The following ANO3 variants were observed in gnomAD, a reference collection of about 807,000 sequenced individuals.
ANO3 encodes anoctamin 3.
A neutral mutation model predicts 144.8 loss-of-function variants in ANO3; 99 were observed. That is an observed-to-expected ratio of 0.68 (90% CI 0.58 to 0.81). The LOEUF (loss-of-function observed/expected upper bound fraction) is 0.81. Ranked by LOEUF, ANO3 falls within the 30% of genes least tolerant of loss-of-function variation. The pLI is 0.00. For synonymous variants in ANO3, 414 were observed against 392.6 expected (o/e 1.05, Z -0.64); for missense variants, 905 against 1,202.2 (o/e 0.75, Z 3.66).
chr11:26,465,502 G>A (rs1373730135), intron 4 of ANO3, among the ~76,000 whole-genome samples: 2 of 151,638 alleles, frequency 1.3e-5, no homozygotes, highest in African/African-American at 2.4e-5. Context: ...CAACAGAAAG[G>A]GGGCACAGAC....
intron 1 of ANO3, among the ~76,000 whole-genome samples, chr11:26,236,695 G>A (rs988060927): frequency 2.0e-5 from 3 of 151,780 alleles, no homozygotes; most frequent in Non-Finnish European, 4.4e-5. Flanking sequence ...GCGGGCGCCT[G>A]TAGTCCCAGC....
At chr11:26,585,264 TGAGA>T (rs1049882585) in intron 14 of ANO3, among the ~76,000 whole-genome samples, 3 of 152,054 alleles carry the variant, frequency 2.0e-5, no homozygotes, top group Admixed American at 6.6e-5. Context: ...ACTAATGCTT[TGAGA>T]GAGAGAGATA....
chr11:26,334,946 T>A (rs763468828), intron 1 of ANO3, among the ~76,000 whole-genome samples: 13 of 152,178 alleles, frequency 8.5e-5, no homozygotes, highest in Non-Finnish European at 1.8e-4. Flanking sequence ...ATATTTAAAC[T>A]CTACACAAGG....
At chr11:26,330,363 GAGAC>G (rs932975374), upstream of ANO3, among the ~76,000 whole-genome samples, 1 of 152,094 alleles carries the variant, frequency 6.6e-6, no homozygotes, top group African/African-American at 2.4e-5. Context: ...AGCCCTTACG[GAGAC>G]AGTCTCTGAA....
intron 1 of ANO3, among the ~76,000 whole-genome samples, chr11:26,280,919 T>C (rs1408334107): frequency 6.6e-6 from 1 of 152,148 alleles, no homozygotes; most frequent in Non-Finnish European, 1.5e-5. Flanking sequence ...AAGCTGGACA[T>C]ACATGCTCCT....
intron 5 of ANO3, among the ~76,000 whole-genome samples, chr11:26,510,894 CTATT>C (rs1476205502): frequency 6.6e-6 from 1 of 152,168 alleles, no homozygotes; most frequent in African/African-American, 2.4e-5. Flanking sequence ...AAAGGGAAGT[CTATT>C]TATTCTAGAG....
chr11:26,414,758 T>G (rs4923357), intron 1 of ANO3, among the ~76,000 whole-genome samples: 1 of 140,010 alleles, frequency 7.1e-6, no homozygotes, highest in Admixed American at 7.0e-5. Flanking sequence ...ACAGTAAAGT[T>G]AAAAAAAAAA....
intron 1 of ANO3, among the ~76,000 whole-genome samples, chr11:26,402,933 G>C (rs577226801): frequency 2.6e-5 from 4 of 151,024 alleles, no homozygotes; most frequent in Non-Finnish European, 5.9e-5. Context: ...ATTGTTTAAT[G>C]CATCAATTCG....
chr11:26,593,808 C>T (rs938902657), intron 14 of ANO3, among the ~76,000 whole-genome samples: 2 of 152,128 alleles, frequency 1.3e-5, no homozygotes, highest in African/African-American at 4.8e-5. Flanking sequence ...TGTTCCAGAG[C>T]CTCCAAAGTC....
At chr11:26,561,590 G>A (rs990788345) in intron 14 of ANO3, among the ~76,000 whole-genome samples, 7 of 151,842 alleles carry the variant, frequency 4.6e-5, no homozygotes, top group African/African-American at 1.7e-4. Flanking sequence ...GTCACTTCTG[G>A]TGTAAAATTT....
At chr11:26,515,074 T>A (rs1231955208) in intron 5 of ANO3, among the ~76,000 whole-genome samples, 1 of 152,060 alleles carries the variant, frequency 6.6e-6, no homozygotes, top group Non-Finnish European at 1.5e-5. Flanking sequence ...CCTTGGTTGG[T>A]CTGAATTCAA....
intron 1 of ANO3, among the ~76,000 whole-genome samples, chr11:26,213,460 C>A (rs1375971522): frequency 2.0e-5 from 3 of 152,110 alleles, no homozygotes; most frequent in Non-Finnish European, 4.4e-5. Flanking sequence ...GGGCAAAAAG[C>A]AAAAGCATTC....
rs1460040187 is a variant in ANO3, at chr11:26,547,661, A to C, written c.1289+111A>C. On this transcript the variant is annotated intron_variant, in intron 12 of 26. Coordinates refer to ENST00000256737, the MANE Select transcript of ANO3 (RefSeq NM_031418.4). ...CAAATGGTTGATGATACTACAATTTAATTTATTTGCTATTTCTGTTTTTTG... is the reference window on the plus strand; with the variant it reads ...CAAATGGTTGATGATACTACAATTTCATTTATTTGCTATTTCTGTTTTTTG... The C allele has an allele frequency of 9.4e-6, 10 of 1,060,202 alleles. No individual in the cohort carries two copies. In the Admixed American group the frequency reaches 2.4e-4, roughly 26 times the overall value. The allele number at this position is 1,060,202 out of a possible 1,614,324, so 65.7% of individuals were successfully genotyped here. A position where few individuals can be genotyped will look rare whatever the true frequency, so the allele number is the denominator to read the frequency against.
intron 1 of ANO3, among the ~76,000 whole-genome samples, chr11:26,266,526 C>T (rs535363566): frequency 1.7e-4 from 25 of 151,212 alleles, no homozygotes; most frequent in African/African-American, 5.6e-4. Flanking sequence ...CTCTGCCTCC[C>T]GGGTTCAAGC....
intron 14 of ANO3, among the ~76,000 whole-genome samples, chr11:26,564,430 A>AC (rs1297860525): frequency 1.6e-5 from 1 of 62,970 alleles, no homozygotes; most frequent in Non-Finnish European, 3.5e-5. Flanking sequence ...AAAACAAATT[A>AC]TTAAAAAAAT....
At chr11:26,486,090 G>A (rs56332989) in intron 4 of ANO3, among the ~76,000 whole-genome samples, 19,595 of 151,978 alleles carry the variant, frequency 0.13, 1,396 homozygotes, top group Middle Eastern at 0.17. Context: ...ACAGCCAGGC[G>A]CGATGGCTCA....
chr11:26,654,978 T>C (rs1853640726), intron 24 of ANO3, among the ~76,000 whole-genome samples: 1 of 152,028 alleles, frequency 6.6e-6, no homozygotes, highest in African/African-American at 2.4e-5. Flanking sequence ...CTATAGAAAA[T>C]TTAAACTTAT....
intron 1 of ANO3, among the ~76,000 whole-genome samples, chr11:26,367,655 A>AT (rs1272493002): frequency 1.3e-5 from 2 of 152,202 alleles, no homozygotes; most frequent in African/African-American, 4.8e-5. Flanking sequence ...CTACATAGAA[A>AT]TACTTGAGGC....
At chr11:26,394,368 T>C (rs971571522) in intron 1 of ANO3, among the ~76,000 whole-genome samples, 3 of 152,038 alleles carry the variant, frequency 2.0e-5, no homozygotes, top group African/African-American at 7.2e-5. Context: ...TTAAACATTT[T>C]ATATATTACA....
Sources: allele counts gnomAD v4.1 joint callset (sites outside exome capture counted in the v4.1 genomes callset), GRCh38; gene constraint gnomAD v4.1.1; transcripts MANE v1.5; gene names NCBI Gene and HGNC (gene_info 2026-07-23, HGNC 2026-07-21).